The following LRRC37A3 variants were observed in gnomAD, a reference collection of about 807,000 sequenced individuals.
LRRC37A3 encodes leucine rich repeat containing 37 member A3.
In LRRC37A3, 25 loss-of-function variants were observed where a neutral mutation model predicts 106.2. The observed-to-expected ratio is 0.24, with a 90% CI of 0.17 to 0.33. The LOEUF is 0.33. LRRC37A3 is among the 10% of genes least tolerant of loss of function. LRRC37A3 has a pLI of 1.00. For synonymous variants in LRRC37A3, 305 were observed against 635.8 expected, an observed-to-expected ratio of 0.48 and a Z score of 7.83; for missense variants, 712 against 1,644.9, an observed-to-expected ratio of 0.43 and a Z score of 9.81.
chr17:64,877,632 C>A (rs1338385696), intron 8 of LRRC37A3, among the ~76,000 whole-genome samples: 1 of 152,216 alleles, frequency 6.6e-6, no homozygotes, highest in African/African-American at 2.4e-5. Context: ...AAAATCCCAG[C>A]TGGCTTCTTT....
chr17:64,854,468 A>G lies in LRRC37A3; in HGVS notation c.*131T>C. ...AGACTGGGAAACAAGGGCAGGAACGATGGCCCTGTGCTTGCTCTGCCCGCT... is the reference window on the plus strand; with the variant it reads ...AGACTGGGAAACAAGGGCAGGAACGGTGGCCCTGTGCTTGCTCTGCCCGCT... On this transcript the variant is annotated 3_prime_UTR_variant, in exon 15 of 15. Transcript: ENST00000584306. 7.6e-7 allele frequency: 1 copy of G among 1,311,086 alleles called. No individual in the cohort carries two copies. The highest frequency in any genetic ancestry group is 1.5e-5 in the African/African-American group (1 of 67,652). The allele number at this position is 1,311,086 out of a possible 1,614,324, so 81.2% of individuals were successfully genotyped here. A position where few individuals can be genotyped will look rare whatever the true frequency, so the allele number is the denominator to read the frequency against.
intron 11 of LRRC37A3, 141 bp from the exon 12 acceptor site, chr17:64,861,114 A>G: frequency 5.0e-6 from 7 of 1,391,414 alleles, no homozygotes; most frequent in Non-Finnish European, 7.0e-6. Context: ...CACACACTCA[A>G]TCCTAAACCT....
chr17:64,866,629 T>TATATATATATATATGTATA (rs71236448), intron 10 of LRRC37A3, among the ~76,000 whole-genome samples: 3 of 12,858 alleles, frequency 2.3e-4, no homozygotes, highest in Non-Finnish European at 3.8e-4. Context: ...TATATATATA[T>TATATATATATATATGTATA]TTTTTTTTTT....
rs141465998 is a variant in LRRC37A3 at position 64,860,915 on chromosome 17, C to T, written c.3231G>A (p.Arg1077=). The change falls in exon 12 of 15, where the codon CGG becomes CGA. Residue 1077 remains arginine (R), a synonymous_variant. Transcript: ENST00000584306. Reference sequence around the variant, plus strand: ...TCAGCTCAGTGCTTGTGTAATTCTTCCGGGCTTGTAACACCTTCATGAACG... The same window carrying T: ...TCAGCTCAGTGCTTGTGTAATTCTTTCGGGCTTGTAACACCTTCATGAACG... ...EGAFMKVLQA[R]KNYTSTELII... 5 of 1,614,126 alleles carry T rather than the reference C, an allele frequency of 3.1e-6. No individual in the cohort carries two copies. The highest frequency in any genetic ancestry group is 4.2e-6 in the Non-Finnish European group (5 of 1,179,974).
intron 11 of LRRC37A3, among the ~76,000 whole-genome samples, chr17:64,862,176 AC>A (rs1336725110): frequency 6.6e-6 from 1 of 152,142 alleles, no homozygotes; most frequent in African/African-American, 2.4e-5. Flanking sequence ...TTAATTATCC[AC>A]CCCATATCAC....
chr17:64,862,652 C>A (rs1424408613), intron 11 of LRRC37A3, among the ~76,000 whole-genome samples: 1 of 152,112 alleles, frequency 6.6e-6, no homozygotes, highest in East Asian at 1.9e-4. Context: ...TATTCCCTAG[C>A]CTTCCCATTC....
Position 64,869,082 on chromosome 17 carries a change from C to G in LRRC37A3, c.2978+13G>C. 6.2e-7 allele frequency: 1 copy of G among 1,609,272 alleles called. No homozygotes were observed. Among genetic ancestry groups the G allele is most frequent in the Non-Finnish European group, 8.5e-7 (1 of 1,178,698 alleles). On this transcript the variant is annotated intron_variant, in intron 9 of 14. Coordinates refer to ENST00000584306, the MANE Select transcript of LRRC37A3 (RefSeq NM_199340.5). ...AATCATCTCTTGACTCATGAGAGTA[C>G]TATAGTACTTACAGATATTTTAATG...
intron 8 of LRRC37A3, chr17:64,881,113 T>C: frequency 2.9e-6 from 2 of 700,938 alleles, no homozygotes; most frequent in Non-Finnish European, 5.2e-6. Flanking sequence ...TTCATCTACA[T>C]AGGTTCGTGA....
chr17:64,901,220 T>C (rs1184825694), intron 2 of LRRC37A3: 2 of 151,144 alleles, frequency 1.3e-5, no homozygotes, highest in Non-Finnish European at 2.9e-5. Context: ...AAGGACTTTA[T>C]GATCTTACAG....
At chr17:64,871,401 C>T (rs1973307250) in intron 8 of LRRC37A3, 2 of 152,330 alleles carry the variant, frequency 1.3e-5, no homozygotes, top group Admixed American at 1.3e-4. Flanking sequence ...AAGTGGATTA[C>T]AGTTTCTCTT....
At chr17:64,881,125 C>T in intron 8 of LRRC37A3, 3 of 700,916 alleles carry the variant, frequency 4.3e-6, no homozygotes, top group Admixed American at 4.0e-5. Flanking sequence ...GGTTCGTGAG[C>T]CACACATCTC....
intron 8 of LRRC37A3, among the ~76,000 whole-genome samples, chr17:64,875,102 T>A (rs1161706040): frequency 6.6e-6 from 1 of 151,270 alleles, no homozygotes. Context: ...TAAAAAAAAT[T>A]AAAAAAAACA....
At position 64,896,799 on chromosome 17, in the gene LRRC37A3, A is replaced by G. The variant is rs757756067; in HGVS notation, c.459T>C (p.Asp153=). The G allele has an allele frequency of 1.9e-6, 3 of 1,609,414 alleles. No individual in the cohort carries two copies. The highest frequency in any genetic ancestry group is 1.7e-6 in the Non-Finnish European group (2 of 1,179,942). The part of the protein sequence containing the change: ...LPVSPKKLKK[D]PAQRWSLAEI... ...CAGCAAGGCTCCAACGCTGAGCTGGATCTTTCTTCAGCTTCTTGGGCGAAA... is the reference window on the plus strand; with the variant it reads ...CAGCAAGGCTCCAACGCTGAGCTGGGTCTTTCTTCAGCTTCTTGGGCGAAA... Residue 153 remains aspartate, a synonymous_variant, in exon 4 of 15, where the codon GAT becomes GAC. Transcript: ENST00000584306.
At chr17:64,866,606 ATATATATATATATATATATATATTTTTT>A (rs1567766507) in intron 10 of LRRC37A3, among the ~76,000 whole-genome samples, 6 of 18,044 alleles carry the variant, frequency 3.3e-4, no homozygotes, top group East Asian at 1.8e-3. Context: ...ATATATATAT[ATATATATATATATATATATATATTTTTT>A]TTTTTTTTTT....
At chr17:64,915,726 G>A (rs1189873310) in intron 2 of LRRC37A3, among the ~76,000 whole-genome samples, 1 of 152,158 alleles carries the variant, frequency 6.6e-6, no homozygotes, top group Non-Finnish European at 1.5e-5. Context: ...AGGCACAGAT[G>A]GGGAGAAAAT....
At chr17:64,862,246 T>C (rs1364149900) in intron 11 of LRRC37A3, among the ~76,000 whole-genome samples, 3 of 152,188 alleles carry the variant, frequency 2.0e-5, no homozygotes, top group Non-Finnish European at 4.4e-5. Flanking sequence ...TTAGAAGTCA[T>C]GAAGTTGATG....
intron 8 of LRRC37A3, among the ~76,000 whole-genome samples, chr17:64,877,440 G>A (rs1015082508): frequency 6.6e-6 from 1 of 152,036 alleles, no homozygotes; most frequent in Admixed American, 6.6e-5. Flanking sequence ...GACCTCAGGC[G>A]ATCTGCCTGC....
intron 8 of LRRC37A3, among the ~76,000 whole-genome samples, chr17:64,880,221 C>T (rs1235356594): frequency 6.6e-6 from 1 of 151,918 alleles, no homozygotes; most frequent in Non-Finnish European, 1.5e-5. Context: ...GGAACTGGCT[C>T]AACGGCTCAA....
At chr17:64,857,282 A>G (rs1217827586) in intron 13 of LRRC37A3, among the ~76,000 whole-genome samples, 2 of 152,216 alleles carry the variant, frequency 1.3e-5, no homozygotes, top group Non-Finnish European at 2.9e-5. Context: ...CAAATGTATG[A>G]AGAATTTAGG....
Sources: allele counts gnomAD v4.1 joint callset (sites outside exome capture counted in the v4.1 genomes callset), GRCh38; gene constraint gnomAD v4.1.1; transcripts MANE v1.5; gene names NCBI Gene and HGNC (gene_info 2026-07-23, HGNC 2026-07-21).